CDKAL1: variants seen among roughly 807,000 people sequenced by gnomAD.
CDKAL1 encodes CDKAL1 threonylcarbamoyladenosine tRNA methylthiotransferase.
CDKAL1 carries 32 observed loss-of-function variants against 68.2 expected under a neutral mutation model. The ratio of observed to expected loss-of-function variants is 0.47; its 90% confidence interval spans 0.35 to 0.63. The LOEUF (loss-of-function observed/expected upper bound fraction) is 0.63, where lower values mean the gene tolerates loss of function less well. CDKAL1 is among the 30% of genes least tolerant of loss of function. The pLI is 0.00. For missense variants in CDKAL1, 606 were observed against 696.7 expected (o/e 0.87, Z 1.47); for synonymous variants, 234 against 244.3 (o/e 0.96, Z 0.39).
intron 5 of CDKAL1, among the ~76,000 whole-genome samples, chr6:20,673,419 A>G (rs1474005840): frequency 6.6e-6 from 1 of 152,216 alleles, no homozygotes; most frequent in African/African-American, 2.4e-5. Context: ...AATGCTAGAT[A>G]ATACTTGTTT....
intron 14 of CDKAL1, 136 bp from the exon 15 acceptor site, chr6:21,200,974 A>G: frequency 1.5e-6 from 1 of 681,304 alleles, no homozygotes. Context: ...GTAAGACGGT[A>G]AATAATAAGA....
At chr6:20,962,303 T>G (rs1009684733) in intron 10 of CDKAL1, among the ~76,000 whole-genome samples, 18 of 152,218 alleles carry the variant, frequency 1.2e-4, no homozygotes, top group African/African-American at 4.3e-4. Context: ...TAATTACAAA[T>G]AGTGATATTT....
intron 13 of CDKAL1, among the ~76,000 whole-genome samples, chr6:21,138,649 T>C (rs1775741096): frequency 1.3e-5 from 2 of 152,218 alleles, no homozygotes; most frequent in Non-Finnish European, 2.9e-5. Context: ...TTCTTCTAAA[T>C]AATTTCTTGG....
chr6:20,651,059 A>C (rs551317946), intron 5 of CDKAL1, among the ~76,000 whole-genome samples: 1 of 152,132 alleles, frequency 6.6e-6, no homozygotes, highest in African/African-American at 2.4e-5. Flanking sequence ...TTTCATATGA[A>C]TTTTAAAGTT....
At chr6:20,803,946 A>G (rs1456107706) in intron 8 of CDKAL1, among the ~76,000 whole-genome samples, 3 of 152,126 alleles carry the variant, frequency 2.0e-5, no homozygotes, top group Non-Finnish European at 4.4e-5. Context: ...ATGTGTTGAC[A>G]AGGGTGGATG....
chr6:20,791,635 T>G (rs1775903224), intron 8 of CDKAL1, among the ~76,000 whole-genome samples: 1 of 152,104 alleles, frequency 6.6e-6, no homozygotes, highest in South Asian at 2.1e-4. Context: ...GCTAATGTAG[T>G]GAGTCTGTCA....
At chr6:21,084,136 T>C (rs1328705876) in intron 12 of CDKAL1, among the ~76,000 whole-genome samples, 1 of 152,310 alleles carries the variant, frequency 6.6e-6, no homozygotes, top group East Asian at 1.9e-4. Context: ...AGTGGTTTAG[T>C]TCACATTTGC....
At chr6:20,720,625 G>C (rs1193452804) in intron 5 of CDKAL1, among the ~76,000 whole-genome samples, 1 of 152,008 alleles carries the variant, frequency 6.6e-6, no homozygotes, top group East Asian at 1.9e-4. Flanking sequence ...TCCTGCCTCA[G>C]CCTCCCTATG....
chr6:20,803,239 C>T (rs1776439096), intron 8 of CDKAL1, among the ~76,000 whole-genome samples: 1 of 152,054 alleles, frequency 6.6e-6, no homozygotes, highest in Non-Finnish European at 1.5e-5. Flanking sequence ...TATAAGAGTC[C>T]CATGGCTTCT....
intron 10 of CDKAL1, among the ~76,000 whole-genome samples, chr6:20,976,076 T>C (rs976115972): frequency 6.6e-6 from 1 of 152,196 alleles, no homozygotes; most frequent in Non-Finnish European, 1.5e-5. Flanking sequence ...CTCTTTTTAC[T>C]GTCTCCATAG....
chr6:20,767,203 G>A (rs1292138282), intron 7 of CDKAL1, among the ~76,000 whole-genome samples: 2 of 152,082 alleles, frequency 1.3e-5, no homozygotes, highest in Non-Finnish European at 2.9e-5. Flanking sequence ...AGATGAGACT[G>A]TAAAGTTAGA....
At chr6:20,887,493 C>T (rs986905920) in intron 9 of CDKAL1, among the ~76,000 whole-genome samples, 1 of 151,264 alleles carries the variant, frequency 6.6e-6, no homozygotes, top group African/African-American at 2.4e-5. Context: ...CTAAAAGGAA[C>T]GAACTACCAA....
chr6:21,201,359 T>G, intron 15 of CDKAL1, 85 bp downstream of exon 15: 8 of 1,196,862 alleles, frequency 6.7e-6, no homozygotes, highest in Non-Finnish European at 9.4e-6. Context: ...GTTTCTGTTA[T>G]CATTTATAGT....
chr6:20,725,706 T>A (rs1772613173), intron 5 of CDKAL1, among the ~76,000 whole-genome samples: 1 of 150,604 alleles, frequency 6.6e-6, no homozygotes, highest in African/African-American at 2.5e-5. Flanking sequence ...ATCACTTGAA[T>A]CTGGGAGACC....
intron 8 of CDKAL1, among the ~76,000 whole-genome samples, chr6:20,826,533 G>A (rs909107636): frequency 3.9e-5 from 6 of 152,000 alleles, no homozygotes; most frequent in African/African-American, 1.4e-4. Flanking sequence ...TGTCTGACTC[G>A]CACATGGTAT....
intron 4 of CDKAL1, among the ~76,000 whole-genome samples, chr6:20,615,883 A>G (rs1275319620): frequency 7.1e-6 from 1 of 140,222 alleles, no homozygotes; most frequent in African/African-American, 2.6e-5. Flanking sequence ...GGTAATGCCT[A>G]GGTTTTCTTC....
At chr6:21,116,437 A>T (rs1217751573) in intron 13 of CDKAL1, among the ~76,000 whole-genome samples, 1 of 152,212 alleles carries the variant, frequency 6.6e-6, no homozygotes, top group African/African-American at 2.4e-5. Context: ...ATATGCACAT[A>T]ACTCATTTAT....
intron 9 of CDKAL1, among the ~76,000 whole-genome samples, chr6:20,918,690 T>G (rs1190598864): frequency 6.6e-6 from 1 of 152,194 alleles, no homozygotes; most frequent in Non-Finnish European, 1.5e-5. Context: ...TAGGCTGGAG[T>G]TGATAATTCT....
intron 4 of CDKAL1, among the ~76,000 whole-genome samples, chr6:20,555,488 T>G (rs1763998671): frequency 1.3e-5 from 2 of 151,100 alleles, no homozygotes; most frequent in Non-Finnish European, 3.0e-5. Context: ...GCTCAGCTAA[T>G]TTTTGAATTT....
Sources: allele counts gnomAD v4.1 joint callset (sites outside exome capture counted in the v4.1 genomes callset), GRCh38; gene constraint gnomAD v4.1.1; transcripts MANE v1.5; gene names NCBI Gene and HGNC (gene_info 2026-07-23, HGNC 2026-07-21).